Variants in CASZ1 observed in about 807,000 individuals in gnomAD.
CASZ1 encodes the protein castor zinc finger 1.
In CASZ1, 28 loss-of-function variants were observed where a neutral mutation model predicts 135.2. That is an observed-to-expected ratio of 0.21 (90% CI 0.15 to 0.28). The LOEUF (loss-of-function observed/expected upper bound fraction) is 0.28, where lower values mean the gene tolerates loss of function less well. CASZ1 is among the 10% of genes least tolerant of loss of function. The pLI, the probability that CASZ1 is intolerant of heterozygous loss-of-function variation, is 1.00. For synonymous variants in CASZ1, 1,068 were observed against 1,073.4 expected (o/e 0.99, Z 0.10); for missense variants, 2,161 against 2,453.3 (o/e 0.88, Z 2.52).
intron 4 of CASZ1, among the ~76,000 whole-genome samples, chr1:10,669,603 C>T (rs1643343097): frequency 6.6e-6 from 1 of 152,216 alleles, no homozygotes; most frequent in Non-Finnish European, 1.5e-5. Flanking sequence ...AGCTGCACCG[C>T]ATCCCCAGTC....
In CASZ1 at chr1:10,747,127, C is replaced by T. The variant is rs1033438906; in HGVS notation, c.-77+13574G>A. Among the ~76,000 whole-genome samples, 2 of 152,216 alleles carry T rather than the reference C, an allele frequency of 1.3e-5. No individual in the cohort carries two copies. Among genetic ancestry groups the T allele is most frequent in the African/African-American group, 2.4e-5 (1 of 41,440 alleles). On this transcript the variant is annotated intron_variant, in intron 2 of 20. Transcript: ENST00000377022. This position sits in a 1 kb window ranked among gnomAD's most constrained non-coding sequence, Gnocchi z 4.3. ...ATTCCCCTAACGCAAGGTAAGCACA[C>T]ACAGACCCTTTGCCCCAGGAGGCTC...
intron 1 of CASZ1, among the ~76,000 whole-genome samples, chr1:10,766,186 AAC>A (rs1377169751): frequency 1.3e-5 from 2 of 151,776 alleles, no homozygotes; most frequent in Admixed American, 6.6e-5. Context: ...TCAGTCACAA[AAC>A]ACACGTTCAG....
intron 1 of CASZ1, among the ~76,000 whole-genome samples, chr1:10,793,892 G>C (rs1049694525): frequency 6.6e-6 from 1 of 152,172 alleles, no homozygotes; most frequent in Non-Finnish European, 1.5e-5. Flanking sequence ...GCGGCTGGGG[G>C]TCGGGGGAGT....
chr1:10,758,943 T>A (rs1430823902), intron 2 of CASZ1, among the ~76,000 whole-genome samples: 1 of 152,206 alleles, frequency 6.6e-6, no homozygotes, highest in East Asian at 1.9e-4. Context: ...GATGCTAGGA[T>A]ACAGGTGTCC....
At chr1:10,704,702 G>C (rs112143802) in intron 3 of CASZ1, 1 of 152,340 alleles carries the variant, frequency 6.6e-6, no homozygotes. Flanking sequence ...CCCGCCAAGC[G>C]GGGATGATGG....
intron 1 of CASZ1, among the ~76,000 whole-genome samples, chr1:10,779,106 T>C (rs1446893365): frequency 1.3e-5 from 2 of 152,134 alleles, no homozygotes; most frequent in Non-Finnish European, 2.9e-5. Flanking sequence ...AAGTTTGTTG[T>C]TGAGGTTCAA....
rs959916666 is a variant in CASZ1, at chr1:10,794,156, T to C, written c.-234+2408A>G. 1.3e-5 allele frequency among the ~76,000 whole-genome samples: 2 copies of C among 150,904 alleles called. No individual in the cohort carries two copies. Among genetic ancestry groups the C allele is most frequent in the Non-Finnish European group, 2.9e-5 (2 of 67,890 alleles). The stretch of plus-strand genomic sequence containing the variant: ...CGACGTGTGTGTGTGCGCGTGTGTG[T>C]GCGTGTTTGTATGTGTATGCGTGTG... On this transcript the variant is annotated intron_variant, in intron 1 of 20. Transcript: ENST00000377022. The surrounding 1 kb of genome is among the most constrained non-coding windows in gnomAD (Gnocchi z 5.6).
intron 2 of CASZ1, among the ~76,000 whole-genome samples, chr1:10,714,660 C>T (rs1214332918): frequency 4.6e-5 from 7 of 152,246 alleles, no homozygotes; most frequent in African/African-American, 9.6e-5. Context: ...ATCTCCCCAG[C>T]GCTCTGACAG....
At chr1:10,722,287 A>T (rs1465682840) in intron 2 of CASZ1, among the ~76,000 whole-genome samples, 2 of 152,230 alleles carry the variant, frequency 1.3e-5, no homozygotes, top group Admixed American at 1.3e-4. Flanking sequence ...CCAAGGGGGA[A>T]CTGGAGAGGA....
rs145973329 is a variant in CASZ1, at chr1:10,763,480, G to A, written c.-233-2623C>T. On this transcript the variant is annotated intron_variant, in intron 1 of 20. Transcript: ENST00000377022. ...GGATGGACAAGAGGCGTGAAAGGGT[G>A]TTAACAAGCACTCTAGAAATGCCCA... Among the ~76,000 whole-genome samples, 109 of 152,284 alleles carry A rather than the reference G, an allele frequency of 7.2e-4. 2 individuals are homozygous for A. In the East Asian group the frequency reaches 0.01, roughly 14 times the overall value.
intron 4 of CASZ1, among the ~76,000 whole-genome samples, chr1:10,691,276 G>A (rs1189978781): frequency 6.6e-6 from 1 of 152,080 alleles, no homozygotes; most frequent in African/African-American, 2.4e-5. Context: ...GGACGACATC[G>A]GCATTTTTTA....
At chr1:10,662,139 A>G (rs1440325834) in intron 5 of CASZ1, among the ~76,000 whole-genome samples, 1 of 151,830 alleles carries the variant, frequency 6.6e-6, no homozygotes, top group African/African-American at 2.4e-5. Flanking sequence ...GCATTCGCAT[A>G]CACTCACACA....
chr1:10,660,820 C>A (rs1642999096), intron 5 of CASZ1: 1 of 477,412 alleles, frequency 2.1e-6, no homozygotes, highest in Non-Finnish European at 3.7e-6. Flanking sequence ...GTACATTAAA[C>A]AAAGTTTCAT....
chr1:10,647,262 G>A lies in CASZ1; in HGVS notation c.3497+539C>T. ...ATTGAGAACAGGAAGCCGCACACAT[G>A]ACAATACAAAGTCACCGTTCTCCCT... On this transcript the variant is annotated intron_variant, in intron 16 of 20. Coordinates refer to ENST00000377022, the MANE Select transcript of CASZ1 (RefSeq NM_001079843.3). The surrounding 1 kb of genome is among the most constrained non-coding windows in gnomAD (Gnocchi z 4.9). The A allele has an allele frequency of 1.0e-6, 1 of 997,724 alleles. No individual in the cohort carries two copies. The highest frequency in any genetic ancestry group is 1.2e-6 in the Non-Finnish European group (1 of 836,332). The allele number at this position is 997,724 out of a possible 1,614,324, so 61.8% of individuals were successfully genotyped here.
Position 10,700,218 on chromosome 1 carries a change from G to T in CASZ1, c.-24+5274C>A, listed in dbSNP as rs61776334. On this transcript the variant is annotated intron_variant, in intron 3 of 20. Coordinates refer to ENST00000377022, the MANE Select transcript of CASZ1 (RefSeq NM_001079843.3). This position sits in a 1 kb window ranked among gnomAD's most constrained non-coding sequence, Gnocchi z 4.2. ...GGACCTGTTCTGGAATGTTGGGTTGGCATTTTGTCTCAGTTACAATGATCA... is the reference window on the plus strand; with the variant it reads ...GGACCTGTTCTGGAATGTTGGGTTGTCATTTTGTCTCAGTTACAATGATCA... Among the ~76,000 whole-genome samples, 439 of 152,252 alleles carry T rather than the reference G, an allele frequency of 2.9e-3. 4 individuals are homozygous for T. Among genetic ancestry groups the T allele is most frequent in the African/African-American group, 9.9e-3 (413 of 41,552 alleles).
intron 1 of CASZ1, among the ~76,000 whole-genome samples, chr1:10,778,129 T>G (rs1640694691): frequency 6.6e-6 from 1 of 150,720 alleles, no homozygotes; most frequent in South Asian, 2.1e-4. Context: ...TCACACAAAA[T>G]CTCAAACACA....
Position 10,653,677 on chromosome 1 carries a change from C to G in CASZ1, c.2380G>C (p.Gly794Arg). 1 of 1,561,414 alleles carries G rather than the reference C, an allele frequency of 6.4e-7. No homozygotes were observed. Among genetic ancestry groups the G allele is most frequent in the Non-Finnish European group, 8.7e-7 (1 of 1,154,028 alleles). ...AAGTAGGGCGTGGGGGTGGGCAGGCCCGAGTTGGAGAGGGCCAGGGCCAGG... is the reference window on the plus strand; with the variant it reads ...AAGTAGGGCGTGGGGGTGGGCAGGCGCGAGTTGGAGAGGGCCAGGGCCAGG... ...IPLALALSNS[G>R]LPTPTPYFPI... The change falls in exon 11 of 21, where the codon GGC becomes CGC. Residue 794 changes from glycine to arginine, a missense_variant. Coordinates refer to ENST00000377022, the MANE Select transcript of CASZ1 (RefSeq NM_001079843.3).
intron 2 of CASZ1, among the ~76,000 whole-genome samples, chr1:10,749,950 G>A (rs1640119254): frequency 6.6e-6 from 1 of 152,192 alleles, no homozygotes; most frequent in South Asian, 2.1e-4. Flanking sequence ...CACCCCTGCT[G>A]GCTCTCTGTT....
At chr1:10,648,366 T>C (rs1326682781) in intron 15 of CASZ1, 1 of 471,536 alleles carries the variant, frequency 2.1e-6, no homozygotes, top group Non-Finnish European at 3.7e-6. Flanking sequence ...TAACCATGCC[T>C]TCCTACTTGT....
Sources: gnomAD v4.1 joint callset for allele counts (sites outside exome capture counted in the v4.1 genomes callset) on GRCh38, gnomAD v4.1.1 for gene constraint, Gnocchi (gnomAD v3.1) non-coding constraint, MANE v1.5 for transcripts, NCBI Gene and HGNC (gene_info 2026-07-23, HGNC 2026-07-21) for gene names.